The following RASGRF2 variants were observed in gnomAD, a reference collection of about 807,000 sequenced individuals.
RASGRF2 encodes the protein ras-specific guanine nucleotide-releasing factor 2.
RASGRF2 carries 76 observed loss-of-function variants against 151.0 expected under a neutral mutation model. The ratio of observed to expected loss-of-function variants is 0.50; its 90% CI spans 0.42 to 0.61. The LOEUF is 0.61. Ranked by LOEUF, RASGRF2 falls within the 20% of genes least tolerant of loss-of-function variation. The pLI, the probability that RASGRF2 is intolerant of heterozygous loss-of-function variation, is 0.00. For missense variants in RASGRF2, 1,148 were observed against 1,564.6 expected (o/e 0.73, Z 4.49); for synonymous variants, 504 against 566.5 (o/e 0.89, Z 1.57).
At chr5:81,014,092 T>C (rs1020269701) in intron 1 of RASGRF2, among the ~76,000 whole-genome samples, 5 of 152,226 alleles carry the variant, frequency 3.3e-5, no homozygotes, top group African/African-American at 1.2e-4. Flanking sequence ...AAATAACTTC[T>C]TGTGGTCTAT....
intron 17 of RASGRF2, among the ~76,000 whole-genome samples, chr5:81,153,169 A>T (rs1754175390): frequency 6.6e-6 from 1 of 152,246 alleles, no homozygotes; most frequent in Non-Finnish European, 1.5e-5. Flanking sequence ...TAAAGATACC[A>T]GCATTGTAAT....
At position 80,975,130 on chromosome 5, in the gene RASGRF2, A is replaced by T. The variant is rs573012403; in HGVS notation, c.288+14104A>T. Among the ~76,000 whole-genome samples, 76 of 151,916 alleles carry T rather than the reference A, an allele frequency of 5.0e-4. 1 individual carries two copies. The highest frequency in any genetic ancestry group is 1.8e-3 in the African/African-American group (73 of 41,432). On this transcript the variant is annotated intron_variant, in intron 1 of 26. Transcript: ENST00000265080. ...ACTCAGTGCTGGTCTCCTGCCTTTT[A>T]GCTGCTGCTTTCTGCTTGGTTTCTT...
chr5:81,187,510 G>A (rs1028025616), intron 18 of RASGRF2, among the ~76,000 whole-genome samples: 3 of 152,140 alleles, frequency 2.0e-5, no homozygotes, highest in Admixed American at 1.3e-4. Flanking sequence ...CCTGCTGAAG[G>A]GGGCACACCT....
intron 17 of RASGRF2, among the ~76,000 whole-genome samples, chr5:81,161,704 C>T (rs1754387613): frequency 6.6e-6 from 1 of 152,128 alleles, no homozygotes; most frequent in South Asian, 2.1e-4. Context: ...TATTGTTTGT[C>T]CCTAGTGTAG....
Position 81,049,390 on chromosome 5 carries a change from A to G in RASGRF2, c.395+6407A>G, listed in dbSNP as rs192255744. Among the ~76,000 whole-genome samples the G allele has an allele frequency of 7.2e-5, 11 of 152,216 alleles. No individual in the cohort carries two copies. The East Asian group carries it at 2.1e-3, about 29-fold the overall frequency. On this transcript the variant is annotated intron_variant, in intron 2 of 26. Transcript: ENST00000265080. ...TATTCATATTATTCGCCATCTTTTT[A>G]TGCTAATTTGGAGGGTTTCTTTTAA...
intron 13 of RASGRF2, 78 bp downstream of exon 13, chr5:81,109,156 T>C (rs1752928739): frequency 1.3e-6 from 2 of 1,525,400 alleles, no homozygotes; most frequent in Non-Finnish European, 1.8e-6. Context: ...AATAAAATAC[T>C]GTGTCAATAG....
rs1044079948 is a variant in RASGRF2, at chr5:81,229,203, A to C, written c.*3433A>C. 2.0e-5 allele frequency: 3 copies of C among 151,298 alleles called. No homozygotes were observed. The highest frequency in any genetic ancestry group is 4.8e-5 in the African/African-American group (2 of 41,378). The allele number at this position is 151,298 out of a possible 1,614,324, so 9.4% of individuals were successfully genotyped here. A position where few individuals can be genotyped will look rare whatever the true frequency, so the allele number is the denominator to read the frequency against. On this transcript the variant is annotated 3_prime_UTR_variant, in exon 27 of 27. Transcript: ENST00000265080. ...TATCCCCTTGAAAAAAAATCTCTTCACTTTAAAGTATAAAGGTTTTTAAAA... is the reference window on the plus strand; with the variant it reads ...TATCCCCTTGAAAAAAAATCTCTTCCCTTTAAAGTATAAAGGTTTTTAAAA...
intron 17 of RASGRF2, among the ~76,000 whole-genome samples, chr5:81,159,062 G>A (rs570540885): frequency 6.6e-6 from 1 of 152,052 alleles, no homozygotes; most frequent in Non-Finnish European, 1.5e-5. Flanking sequence ...GCAAATGAAT[G>A]GATAGTCAAA....
In RASGRF2 at chr5:81,085,849, C is replaced by T; in HGVS notation, c.1209C>T (p.Pro403=). 6.2e-7 allele frequency: 1 copy of T among 1,614,046 alleles called. No individual in the cohort carries two copies. Among genetic ancestry groups the T allele is most frequent in the South Asian group, 1.1e-5 (1 of 91,056 alleles). The change falls in exon 8 of 27, where the codon CCC becomes CCT. Residue 403 remains proline, a synonymous_variant. Coordinates refer to ENST00000265080, the MANE Select transcript of RASGRF2 (RefSeq NM_006909.3). ...TCCATGAGCTCCTTGCTCACACACC[C>T]CATGAGCATGTGGAAAGGAAAAGCC... is the stretch of plus-strand genomic sequence containing the variant. The part of the protein sequence containing the change: ...ITLHELLAHT[P]HEHVERKSLE...
intron 1 of RASGRF2, among the ~76,000 whole-genome samples, chr5:80,983,647 A>C (rs1460336205): frequency 6.6e-6 from 1 of 152,166 alleles, no homozygotes; most frequent in Non-Finnish European, 1.5e-5. Flanking sequence ...TTACATCTGC[A>C]CTGTTCATTA....
rs980359431 is a variant in RASGRF2 at position 81,174,234 on chromosome 5, T to C, written c.2687-5941T>C. 1.2e-4 allele frequency among the ~76,000 whole-genome samples: 18 copies of C among 152,266 alleles called. 1 individual carries two copies. Among genetic ancestry groups the C allele is most frequent in the Admixed American group, 3.3e-4 (5 of 15,298 alleles). ...ATGGGAAAGTTAGATTGGGGAGCAG[T>C]TGGAAGAAAAGACACATACACTTGG... On this transcript the variant is annotated intron_variant, in intron 17 of 26. Transcript: ENST00000265080.
At chr5:81,141,271 C>CT (rs1056220519) in intron 17 of RASGRF2, among the ~76,000 whole-genome samples, 10 of 152,150 alleles carry the variant, frequency 6.6e-5, no homozygotes, top group Non-Finnish European at 1.5e-4. Flanking sequence ...TCTTCTATTC[C>CT]TTTTACTGGG....
At chr5:81,020,321 G>A (rs115305237) in intron 1 of RASGRF2, among the ~76,000 whole-genome samples, 1,689 of 152,238 alleles carry the variant, frequency 0.011, 46 homozygotes, top group African/African-American at 0.039. Flanking sequence ...GGAGGCTTAA[G>A]GGGGTCTTTT....
Position 81,080,126 on chromosome 5 carries a change from C to T in RASGRF2, c.893C>T (p.Thr298Ile), listed in dbSNP as rs1277052659. ...DVSSIFLNSE[T>I]IMFLHEIFHQ... ...TATTTTTCCTTTTTTTATAGTGAAA[C>T]AATCATGTTTCTTCATGAAATATTT... Residue 298 changes from threonine to isoleucine, a missense_variant, in exon 6 of 27, where the codon ACA (threonine) becomes ATA (isoleucine). By Grantham distance (89) the Thr-to-Ile change is moderately conservative (BLOSUM62 -1). Coordinates refer to ENST00000265080, the MANE Select transcript of RASGRF2 (RefSeq NM_006909.3). The T allele has an allele frequency of 6.3e-7, 1 of 1,592,436 alleles. No homozygotes were observed. The highest frequency in any genetic ancestry group is 8.5e-7 in the Non-Finnish European group (1 of 1,175,248).
At position 81,046,081 on chromosome 5, in the gene RASGRF2, T is replaced by TA. The variant is rs1378305780; in HGVS notation, c.395+3104dup. 2.6e-5 allele frequency among the ~76,000 whole-genome samples: 4 copies of TA among 152,306 alleles called. No homozygotes were observed. In the South Asian group the frequency reaches 6.2e-4, roughly 24 times the overall value. ...ATTTATGGTTTTATTGATCCTTTTT[T>TA]AAAAAATCAAAACTTTTGATTAGTT... On this transcript the variant is annotated intron_variant, in intron 2 of 26. Transcript: ENST00000265080.
At chr5:81,056,952 C>T (rs1751236092) in intron 2 of RASGRF2, among the ~76,000 whole-genome samples, 1 of 151,984 alleles carries the variant, frequency 6.6e-6, no homozygotes, top group Non-Finnish European at 1.5e-5. Flanking sequence ...GATTGCAACC[C>T]CTGCCTTTTT....
chr5:81,018,630 TAA>T (rs1749718761), intron 1 of RASGRF2, among the ~76,000 whole-genome samples: 1 of 152,108 alleles, frequency 6.6e-6, no homozygotes, highest in Non-Finnish European at 1.5e-5. Context: ...ATCCAATGTT[TAA>T]AATGCATTTC....
intron 2 of RASGRF2, among the ~76,000 whole-genome samples, chr5:81,049,290 A>G (rs575767593): frequency 6.6e-5 from 10 of 151,954 alleles, no homozygotes; most frequent in Non-Finnish European, 1.2e-4. Flanking sequence ...TTTGGAGTGC[A>G]TACTTCCAGA....
At position 81,080,588 on chromosome 5, in the gene RASGRF2, C is replaced by T. The variant is rs1203825027; in HGVS notation, c.968-8C>T. The T allele has an allele frequency of 3.1e-6, 5 of 1,610,892 alleles. No homozygotes were observed. The African/African-American group carries it at 5.3e-5, about 17-fold the overall frequency. ...AGGGAAACAGCCGTGTTTACTGTTT[C>T]TTTGCAGCTGATCTGTTTGATATTT... is the stretch of plus-strand genomic sequence containing the variant. On this transcript the variant is annotated splice_region_variant and splice_polypyrimidine_tract_variant and intron_variant, in intron 6 of 26. Coordinates refer to ENST00000265080, the MANE Select transcript of RASGRF2 (RefSeq NM_006909.3).
Sources: allele counts gnomAD v4.1 joint callset (sites outside exome capture counted in the v4.1 genomes callset), GRCh38; gene constraint gnomAD v4.1.1; transcripts MANE v1.5; gene names NCBI Gene and HGNC (gene_info 2026-07-23, HGNC 2026-07-21).